The following GARIN1A variants were observed in gnomAD, a reference collection of about 807,000 sequenced individuals.
GARIN1A encodes the protein golgi associated RAB2 interactor 1A, also known as Golgi-associated RAB2 interactor protein 1A.
At chr7:128,699,410 G>T in the GARIN1A span, among the ~76,000 whole-genome samples, 49 of 152,198 alleles carry the variant, frequency 3.2e-4, no homozygotes, top group East Asian at 1.9e-3. Flanking sequence ...TTATCTAAAT[G>T]AAGTGACTCA....
chr7:128,675,065 G>A, the GARIN1A span, among the ~76,000 whole-genome samples: 7 of 152,244 alleles, frequency 4.6e-5, no homozygotes, highest in Admixed American at 6.5e-5. Context: ...TCTGCCAGCC[G>A]TGCACAGTGA....
chr7:128,693,387 G>A, the GARIN1A span: 1 of 152,774 alleles, frequency 6.5e-6, no homozygotes, highest in Admixed American at 6.5e-5. Flanking sequence ...CCGTTCAAGG[G>A]CCATATCTGG....
the GARIN1A span, chr7:128,690,800 G>T: frequency 6.6e-6 from 1 of 152,248 alleles, no homozygotes; most frequent in Non-Finnish European, 1.5e-5. Flanking sequence ...ATATCCAGGT[G>T]AAGAGAGATG....
the GARIN1A span, chr7:128,672,605 A>T: frequency 4.2e-6 from 4 of 961,662 alleles, no homozygotes; most frequent in South Asian, 1.7e-5. Context: ...ACCTGTTCCT[A>T]GGGGTTGGTT....
At chr7:128,679,623 T>A in the GARIN1A span, among the ~76,000 whole-genome samples, 1 of 152,220 alleles carries the variant, frequency 6.6e-6, no homozygotes, top group Non-Finnish European at 1.5e-5. Context: ...TTCCAGGTCC[T>A]GCTTGGTGTA....
the GARIN1A span, among the ~76,000 whole-genome samples, chr7:128,697,967 C>G: frequency 2.6e-5 from 4 of 152,164 alleles, no homozygotes; most frequent in Admixed American, 2.6e-4. Context: ...ATTCTGGGTA[C>G]AAGCTTCTGA....
the GARIN1A span, among the ~76,000 whole-genome samples, chr7:128,704,682 C>G: frequency 6.6e-6 from 1 of 152,298 alleles, no homozygotes; most frequent in East Asian, 1.9e-4. Flanking sequence ...CTATGAGAAT[C>G]TAACGCCGCC....
chr7:128,689,225 C>G, the GARIN1A span, among the ~76,000 whole-genome samples: 1 of 152,178 alleles, frequency 6.6e-6, no homozygotes, highest in Non-Finnish European at 1.5e-5. Context: ...GCCGCCACCC[C>G]GTCTGGGAAG....
the GARIN1A span, among the ~76,000 whole-genome samples, chr7:128,688,256 C>T: frequency 2.6e-5 from 4 of 152,264 alleles, no homozygotes; most frequent in South Asian, 2.1e-4. Flanking sequence ...ATGATCTGCC[C>T]ACCTCGGCCT....
the GARIN1A span, chr7:128,683,824 C>A: frequency 6.5e-6 from 1 of 154,794 alleles, no homozygotes; most frequent in Non-Finnish European, 1.4e-5. Flanking sequence ...GTTCCCCAGG[C>A]TGTACAGGAA....
At chr7:128,703,713 G>T in the GARIN1A span, among the ~76,000 whole-genome samples, 1 of 152,012 alleles carries the variant, frequency 6.6e-6, no homozygotes. Flanking sequence ...GGAGTTCAAG[G>T]CTGCAGTGAA....
chr7:128,683,247 T>C, the GARIN1A span: 1 of 1,012,710 alleles, frequency 9.9e-7, no homozygotes, highest in Non-Finnish European at 1.4e-6. Context: ...CCAAGTGACC[T>C]TGGGAGAGGT....
At chr7:128,703,776 CAAAAAAA>C in the GARIN1A span, among the ~76,000 whole-genome samples, 2 of 143,280 alleles carry the variant, frequency 1.4e-5, no homozygotes, top group Non-Finnish European at 3.1e-5. Flanking sequence ...CATCCTGTCT[CAAAAAAA>C]AAAAAAGAAA....
the GARIN1A span, among the ~76,000 whole-genome samples, chr7:128,703,773 T>C: frequency 2.1e-5 from 2 of 94,858 alleles, no homozygotes; most frequent in Non-Finnish European, 4.5e-5. Flanking sequence ...CGACATCCTG[T>C]CTCAAAAAAA....
chr7:128,672,335 G>A, the GARIN1A span: 1 of 1,402,910 alleles, frequency 7.1e-7, no homozygotes, highest in Non-Finnish European at 9.8e-7. Context: ...CAACATCCTG[G>A]CATTGGGCTG....
the GARIN1A span, among the ~76,000 whole-genome samples, chr7:128,705,289 C>G: frequency 2.0e-5 from 3 of 152,082 alleles, no homozygotes; most frequent in Non-Finnish European, 4.4e-5. Flanking sequence ...TTGTCCTTTC[C>G]TTGTCTTTCT....
the GARIN1A span, chr7:128,672,658 C>T: frequency 3.6e-3 from 427 of 117,058 alleles, no homozygotes; most frequent in African/African-American, 0.017. Context: ...GAGGGGGGGG[C>T]GGGGGGACAA....
the GARIN1A span, chr7:128,686,878 A>G: frequency 7.3e-6 from 1 of 136,294 alleles, no homozygotes; most frequent in East Asian, 2.7e-4. Context: ...TCCATCTCAA[A>G]AAAAAAAAAA....
the GARIN1A span, chr7:128,672,416 C>T: frequency 1.9e-6 from 3 of 1,608,646 alleles, no homozygotes; most frequent in African/African-American, 1.3e-5. Context: ...AATCAGGGGC[C>T]TCCCACCTGA....
Sources: gnomAD v4.1 joint callset for allele counts (sites outside exome capture counted in the v4.1 genomes callset) on GRCh38, gnomAD v4.1.1 for gene constraint, MANE v1.5 for transcripts, NCBI Gene and HGNC (gene_info 2026-07-23, HGNC 2026-07-21) for gene names.